TFDP1: variants seen among roughly 807,000 people sequenced by gnomAD.
TFDP1 encodes DRTF1-polypeptide 1.
TFDP1 carries 6 observed loss-of-function variants against 48.0 expected under a neutral mutation model. The ratio of observed to expected loss-of-function variants is 0.13; its 90% confidence interval spans 0.07 to 0.25. The LOEUF is 0.25. Among genes scored for constraint, TFDP1 ranks in the 10% least tolerant of loss-of-function variants. The pLI is 1.00. For missense variants in TFDP1, 335 were observed against 543.0 expected (o/e 0.62, Z 3.81); for synonymous variants, 201 against 211.6 (o/e 0.95, Z 0.44).
intron 2 of TFDP1, among the ~76,000 whole-genome samples, chr13:113,597,304 G>A (rs2048310201): frequency 6.6e-6 from 1 of 152,234 alleles, no homozygotes; most frequent in African/African-American, 2.4e-5. Context: ...GATGAATGGA[G>A]ATGGTCTCCA....
intron 2 of TFDP1, among the ~76,000 whole-genome samples, chr13:113,608,122 C>G (rs780435352): frequency 6.6e-6 from 1 of 152,092 alleles, no homozygotes; most frequent in Non-Finnish European, 1.5e-5. Flanking sequence ...AGGCCGCAGG[C>G]AGCCGCTCTT....
At chr13:113,599,293 C>T (rs1209242590) in intron 2 of TFDP1, among the ~76,000 whole-genome samples, 2 of 152,186 alleles carry the variant, frequency 1.3e-5, no homozygotes, top group Non-Finnish European at 2.9e-5. Flanking sequence ...ACCTGGGTGA[C>T]TCCCTGCCGG....
intron 2 of TFDP1, among the ~76,000 whole-genome samples, chr13:113,588,301 G>C (rs190252733): frequency 6.6e-6 from 1 of 152,378 alleles, no homozygotes; most frequent in Non-Finnish European, 1.5e-5. Flanking sequence ...AGGGCCATGA[G>C]GGGCCACAGG....
intron 2 of TFDP1, among the ~76,000 whole-genome samples, chr13:113,603,740 T>C (rs1160433394): frequency 2.6e-5 from 4 of 152,182 alleles, no homozygotes; most frequent in African/African-American, 9.7e-5. Flanking sequence ...TTAAGGTTAG[T>C]TTTAGCCAAG....
At chr13:113,606,028 G>A (rs367633366) in intron 2 of TFDP1, among the ~76,000 whole-genome samples, 8 of 146,498 alleles carry the variant, frequency 5.5e-5, no homozygotes, top group Admixed American at 4.0e-4. Context: ...GGAAGGCGGC[G>A]CGGTGATGAG....
intron 4 of TFDP1, among the ~76,000 whole-genome samples, chr13:113,625,770 G>A (rs1379834672): frequency 8.1e-6 from 1 of 123,842 alleles, no homozygotes; most frequent in East Asian, 2.9e-4. Flanking sequence ...GTCCTCAGGC[G>A]TCTCTCACGT....
At chr13:113,601,686 G>T (rs1293019112) in intron 2 of TFDP1, among the ~76,000 whole-genome samples, 1 of 152,246 alleles carries the variant, frequency 6.6e-6, no homozygotes, top group Non-Finnish European at 1.5e-5. Context: ...TCCCAGGCCC[G>T]GCCCCAGAGG....
intron 3 of TFDP1, among the ~76,000 whole-genome samples, chr13:113,616,876 C>G (rs1332658841): frequency 6.6e-6 from 1 of 152,166 alleles, no homozygotes; most frequent in African/African-American, 2.4e-5. Context: ...TCAGGAGAGG[C>G]CATCAGCTTT....
intron 3 of TFDP1, among the ~76,000 whole-genome samples, chr13:113,622,210 G>C (rs1332870018): frequency 6.6e-6 from 1 of 152,190 alleles, no homozygotes; most frequent in Non-Finnish European, 1.5e-5. Context: ...GCCACTACCG[G>C]TCTCTGCGAC....
At chr13:113,591,512 G>A (rs778607490) in intron 2 of TFDP1, among the ~76,000 whole-genome samples, 1 of 152,128 alleles carries the variant, frequency 6.6e-6, no homozygotes, top group Non-Finnish European at 1.5e-5. Flanking sequence ...TCTGGAGTTC[G>A]TTGTGTAAGA....
At chr13:113,595,370 C>T (rs2048261601) in intron 2 of TFDP1, among the ~76,000 whole-genome samples, 2 of 152,308 alleles carry the variant, frequency 1.3e-5, no homozygotes, top group South Asian at 2.1e-4. Flanking sequence ...GGAGTGCAGC[C>T]TCCTGGGTTG....
chr13:113,624,081 C>T (rs1447197618), intron 4 of TFDP1, among the ~76,000 whole-genome samples: 3 of 152,108 alleles, frequency 2.0e-5, no homozygotes, highest in Non-Finnish European at 2.9e-5. Flanking sequence ...CTGAGGGCTC[C>T]TTCCTGGTCC....
chr13:113,597,008 G>A (rs886176708), intron 2 of TFDP1, among the ~76,000 whole-genome samples: 2 of 152,128 alleles, frequency 1.3e-5, no homozygotes, highest in Admixed American at 1.3e-4. Flanking sequence ...AGTCTGCTGC[G>A]GCTCTGGTGC....
At chr13:113,637,514 C>T (rs2049522523) in intron 10 of TFDP1, 5 of 1,157,634 alleles carry the variant, frequency 4.3e-6, no homozygotes, top group East Asian at 4.0e-5. Flanking sequence ...CACTTTGATT[C>T]GGTTCCGTTT....
rs140861772 is a variant in TFDP1 at position 113,597,719 on chromosome 13, G to A, written c.12+11870G>A. Among the ~76,000 whole-genome samples, 42 of 152,354 alleles carry A rather than the reference G, an allele frequency of 2.8e-4. No individual in the cohort carries two copies. The East Asian group carries it at 7.7e-3, about 28-fold the overall frequency. ...GGAGCACCTCACAGGCCTGGGCGCT[G>A]TGTAAGACCTCCTCCCAGCCACGAG... On this transcript the variant is annotated intron_variant, in intron 2 of 11. Transcript: ENST00000375370.
rs770501585 is a variant in TFDP1, at chr13:113,631,721, C to T, written c.285C>T (p.Ser95=). ...STHFASQNQP[S]DSSPWSAGKR... ...ACTTTGCCTCTCAGAACCAGCCTTC[C>T]GACTCCTCACCTTGGTCTGCCGGGT... Residue 95 remains serine (S), a synonymous_variant, in exon 5 of 12, where the codon TCC becomes TCT. Coordinates refer to ENST00000375370, the MANE Select transcript of TFDP1 (RefSeq NM_007111.5). 1.8e-4 allele frequency: 293 copies of T among 1,614,146 alleles called. 1 individual carries two copies. Among genetic ancestry groups the T allele is most frequent in the Middle Eastern group, 3.3e-4 (2 of 6,060 alleles).
rs1197633105 is a variant in TFDP1 at position 113,633,312 on chromosome 13, C to G, written c.474+27C>G. 2 of 1,604,900 alleles carry G rather than the reference C, an allele frequency of 1.2e-6. No homozygotes were observed. The highest frequency in any genetic ancestry group is 3.4e-5 in the Admixed American group (2 of 59,344). On this transcript the variant is annotated intron_variant, in intron 6 of 11. Coordinates refer to ENST00000375370, the MANE Select transcript of TFDP1 (RefSeq NM_007111.5). This position sits in a 1 kb window ranked among gnomAD's most constrained non-coding sequence, Gnocchi z 4.5. ...TAAGTGTGTGCCGGGGGCCGAGAGG[C>G]TGGGGTGGCGGAGCCCAGCGGTGTG...
intron 2 of TFDP1, among the ~76,000 whole-genome samples, chr13:113,597,815 G>T (rs1293341330): frequency 6.6e-6 from 1 of 152,228 alleles, no homozygotes; most frequent in Non-Finnish European, 1.5e-5. Flanking sequence ...GAGCTCAGGA[G>T]CCAGCATCCA....
chr13:113,635,937 G>T (rs2049474870), intron 8 of TFDP1, 40 bp from the exon 9 acceptor site: 3 of 1,597,392 alleles, frequency 1.9e-6, no homozygotes, highest in Non-Finnish European at 2.6e-6. Flanking sequence ...CTGCGTTCTT[G>T]TGCCGCCACG....
Sources: gnomAD v4.1 joint callset for allele counts (sites outside exome capture counted in the v4.1 genomes callset) on GRCh38, gnomAD v4.1.1 for gene constraint, Gnocchi (gnomAD v3.1) non-coding constraint, MANE v1.5 for transcripts, NCBI Gene and HGNC (gene_info 2026-07-23, HGNC 2026-07-21) for gene names.